DNAAF6: variants seen among roughly 807,000 people sequenced by gnomAD.
DNAAF6 encodes PIH1 domain containing 3.
A neutral mutation model predicts 13.7 loss-of-function variants in DNAAF6; 3 were observed. That is an observed-to-expected ratio of 0.22 (90% CI 0.10 to 0.56). The LOEUF is 0.56. DNAAF6 is among the 20% of genes least tolerant of loss of function. The probability of loss-of-function intolerance (pLI) is 0.92; values close to 1 mark genes in which losing one functional copy is unlikely to be tolerated. For synonymous variants in DNAAF6, 54 were observed against 49.2 expected (o/e 1.10, Z -0.41); for missense variants, 130 against 151.0 (o/e 0.86, Z 0.73).
intron 5 of DNAAF6, among the ~76,000 whole-genome samples, chrX:107,223,849 TCA>T (rs1928200977): frequency 1.8e-5 from 2 of 111,690 alleles, no homozygotes; most frequent in Non-Finnish European, 3.8e-5. Flanking sequence ...AGTTATGCTT[TCA>T]AGTAATCTTG....
intron 1 of DNAAF6, among the ~76,000 whole-genome samples, chrX:107,208,625 C>T (rs1210603227): frequency 3.7e-5 from 4 of 107,773 alleles, no homozygotes; most frequent in Non-Finnish European, 7.7e-5. Flanking sequence ...GCAACTTCCA[C>T]CTCCCGGGTT....
intron 5 of DNAAF6, among the ~76,000 whole-genome samples, chrX:107,229,416 G>A (rs947259490): frequency 5.6e-5 from 6 of 107,730 alleles, no homozygotes; most frequent in East Asian, 5.9e-4. Flanking sequence ...ATGAGCCACC[G>A]CACCCGGCCT....
In DNAAF6 at chrX:107,224,580, C is replaced by T. The variant is rs1465018826; in HGVS notation, c.429+1739C>T. Among the ~76,000 whole-genome samples, 4 of 110,729 alleles carry T rather than the reference C, an allele frequency of 3.6e-5. No individual in the cohort carries two copies. The East Asian group carries it at 1.1e-3, about 31-fold the overall frequency. ...GTAAGTACATATTTAGAGGCAAACACCATGAACAGAATGATGGTTACCAGA... is the reference window on the plus strand; with the variant it reads ...GTAAGTACATATTTAGAGGCAAACATCATGAACAGAATGATGGTTACCAGA... On this transcript the variant is annotated intron_variant, in intron 5 of 6. Transcript: ENST00000372453.
intron 4 of DNAAF6, 29 bp downstream of exon 4, chrX:107,218,998 T>C (rs377237630): frequency 7.0e-6 from 8 of 1,139,557 alleles, no homozygotes; most frequent in Non-Finnish European, 6.9e-6. Context: ...GGAATGTCTT[T>C]AGGAGTTTAA....
intron 5 of DNAAF6, among the ~76,000 whole-genome samples, chrX:107,224,837 C>T (rs957390935): frequency 9.2e-6 from 1 of 109,021 alleles, no homozygotes; most frequent in African/African-American, 3.3e-5. Flanking sequence ...CCCATTTACC[C>T]TGATGTAATT....
chrX:107,220,435 C>T (rs1455877999), intron 4 of DNAAF6, among the ~76,000 whole-genome samples: 1 of 111,898 alleles, frequency 8.9e-6, no homozygotes, highest in African/African-American at 3.2e-5. Flanking sequence ...TAATTTTTCC[C>T]TTTTCATCCT....
At chrX:107,240,722 A>G (rs948688523) in intron 6 of DNAAF6, among the ~76,000 whole-genome samples, 5 of 111,890 alleles carry the variant, frequency 4.5e-5, no homozygotes. Context: ...GATACCCAAC[A>G]TGGAGTAAAT....
intron 5 of DNAAF6, 28 bp downstream of exon 5, chrX:107,222,869 T>C (rs752540608): frequency 8.4e-7 from 1 of 1,186,014 alleles, no homozygotes. Context: ...TTCTTCATTT[T>C]CTATACAACC....
rs184892646 is a variant in DNAAF6 at position 107,229,841 on chromosome X, C to G, written c.429+7000C>G. Reference sequence around the variant, plus strand: ...TAGCTGGGACTACAGGCGCCCCCCACCACGCCCGGCTAATTTTTTGTATTT... The same window carrying G: ...TAGCTGGGACTACAGGCGCCCCCCAGCACGCCCGGCTAATTTTTTGTATTT... On this transcript the variant is annotated intron_variant, in intron 5 of 6. Transcript: ENST00000372453. 0.02 allele frequency among the ~76,000 whole-genome samples: 2,236 copies of G among 110,190 alleles called. 121 individuals carry two copies. The East Asian group carries it at 0.2, about 10-fold the overall frequency.
intron 5 of DNAAF6, among the ~76,000 whole-genome samples, chrX:107,232,969 T>G (rs1318934161): frequency 9.0e-6 from 1 of 111,112 alleles, no homozygotes; most frequent in Non-Finnish European, 1.9e-5. Context: ...CTTGAACTCC[T>G]GAGCTCAAGT....
rs1485283275 is a variant in DNAAF6 at position 107,244,157 on chromosome X, A to C, written c.*859A>C. On this transcript the variant is annotated 3_prime_UTR_variant, in exon 7 of 7. Coordinates refer to ENST00000372453, the MANE Select transcript of DNAAF6 (RefSeq NM_173494.2). Reference sequence around the variant, plus strand: ...ACATTTTTTATATGCACTAATAATTATTAGCATTGCCTTTTTGGGTACTGT... The same window carrying C: ...ACATTTTTTATATGCACTAATAATTCTTAGCATTGCCTTTTTGGGTACTGT... 8.9e-6 allele frequency: 1 copy of C among 112,451 alleles called. No individual in the cohort carries two copies. Among genetic ancestry groups the C allele is most frequent in the Non-Finnish European group, 1.9e-5 (1 of 53,195 alleles). The allele number at this position is 112,451 out of a possible 1,213,427, so 9.3% of individuals were successfully genotyped here.
chrX:107,242,765 A>G (rs916925956), intron 6 of DNAAF6, among the ~76,000 whole-genome samples: 1 of 112,203 alleles, frequency 8.9e-6, no homozygotes, highest in Non-Finnish European at 1.9e-5. Flanking sequence ...GCTTAAATCT[A>G]TGTTAGCAGA....
At position 107,221,400 on chromosome X, in the gene DNAAF6, G is replaced by A. The variant is rs909627323; in HGVS notation, c.333-1345G>A. On this transcript the variant is annotated intron_variant, in intron 4 of 6. Coordinates refer to ENST00000372453, the MANE Select transcript of DNAAF6 (RefSeq NM_173494.2). ...CTCCCAAGTAGCTGGGACTACAGGT[G>A]CACACTTTATTTTTGTGAAGACTGC... 2.7e-5 allele frequency among the ~76,000 whole-genome samples: 3 copies of A among 109,898 alleles called. No homozygotes were observed. The Admixed American group carries it at 2.9e-4, about 11-fold the overall frequency.
intron 1 of DNAAF6, among the ~76,000 whole-genome samples, chrX:107,211,740 C>T (rs1927861083): frequency 9.0e-6 from 1 of 111,571 alleles, no homozygotes; most frequent in South Asian, 3.8e-4. Flanking sequence ...TTTGAATATC[C>T]TCAAAGAAGA....
intron 3 of DNAAF6, 100 bp downstream of exon 3, chrX:107,216,843 T>C: frequency 7.5e-6 from 4 of 536,133 alleles, no homozygotes; most frequent in Non-Finnish European, 8.5e-6. Flanking sequence ...TTTATTAAGA[T>C]GAACTAAATA....
chrX:107,227,855 T>C (rs1238570189), intron 5 of DNAAF6, among the ~76,000 whole-genome samples: 1 of 110,946 alleles, frequency 9.0e-6, no homozygotes, highest in East Asian at 2.8e-4. Context: ...TCCATCATAA[T>C]GAGATGGAGA....
chrX:107,239,156 A>G, intron 6 of DNAAF6, 149 bp downstream of exon 6: 1 of 894,790 alleles, frequency 1.1e-6, no homozygotes, highest in Non-Finnish European at 1.4e-6. Context: ...GATCTACATT[A>G]ATATAAACAT....
chrX:107,206,758 T>C (rs907501014), intron 1 of DNAAF6, 68 bp downstream of exon 1: 1 of 110,678 alleles, frequency 9.0e-6, no homozygotes, highest in Non-Finnish European at 1.9e-5. Flanking sequence ...TCAGAAAAAC[T>C]AGGGAGAACT....
At chrX:107,234,105 G>GTTGAGCTTACTC (rs11271204) in intron 5 of DNAAF6, among the ~76,000 whole-genome samples, 39,730 of 109,908 alleles carry the variant, frequency 0.36, 7,957 homozygotes, top group African/African-American at 0.75. Flanking sequence ...TGCAGAGTGA[G>GTTGAGCTTACTC]TTGACTCCTG....
Sources: gnomAD v4.1 joint callset for allele counts (sites outside exome capture counted in the v4.1 genomes callset) on GRCh38, gnomAD v4.1.1 for gene constraint, MANE v1.5 for transcripts, NCBI Gene and HGNC (gene_info 2026-07-23, HGNC 2026-07-21) for gene names.